Variants in MAGEB1 observed in about 807,000 individuals in gnomAD.
MAGEB1 encodes melanoma-associated antigen B1.
For synonymous variants in MAGEB1, 99 were observed against 105.7 expected (o/e 0.94, Z 0.39); for missense variants, 290 against 286.7 (o/e 1.01, Z -0.08).
rs1188632435 is a variant in MAGEB1 at position 30,251,267 on chromosome X, G to A, written c.774G>A (p.Glu258=). 3 of 1,212,148 alleles carry A rather than the reference G, an allele frequency of 2.5e-6. No homozygotes were observed. Among genetic ancestry groups the A allele is most frequent in the Non-Finnish European group, 3.3e-6 (3 of 895,618 alleles). The part of the protein sequence containing the change: ...DLVQEKYLKY[E]QVPNSDPPRY... ...TGCAGGAAAAATATCTGAAGTACGA[G>A]CAGGTGCCCAACAGTGATCCCCCAC... The change falls in exon 2 of 2, where the codon GAG becomes GAA. Residue 258 remains glutamate, a synonymous_variant. Transcript: ENST00000397548.
chrX:30,246,129 T>C (rs939532724), upstream of MAGEB1, among the ~76,000 whole-genome samples: 1 of 111,750 alleles, frequency 8.9e-6, no homozygotes, highest in Non-Finnish European at 1.9e-5. Flanking sequence ...AATGTAAGGG[T>C]TCATCCAGAC....
chrX:30,250,946 T>C lies in MAGEB1; in HGVS notation c.453T>C (p.Asn151=), dbSNP rs112094723. ...KYKDHFTEIL[N]GASRRLELVF... is the part of the protein sequence containing the mutation. ...AGGATCACTTCACTGAGATCCTCAA[T>C]GGAGCCTCTCGCCGCTTGGAGCTCG... Residue 151 remains asparagine, a synonymous_variant, in exon 2 of 2, where the codon AAT becomes AAC. Transcript: ENST00000397548. 183 of 1,210,054 alleles carry C rather than the reference T, an allele frequency of 1.5e-4. No individual in the cohort carries two copies. In the African/African-American group the frequency reaches 2.4e-3, roughly 16 times the overall value.
chrX:30,250,948 G>C lies in MAGEB1; in HGVS notation c.455G>C (p.Gly152Ala), dbSNP rs767225044. ...YKDHFTEILN[G>A]ASRRLELVFG... ...GATCACTTCACTGAGATCCTCAATG[G>C]AGCCTCTCGCCGCTTGGAGCTCGTC... Residue 152 changes from glycine (G) to alanine (A), a missense_variant, in exon 2 of 2, where the codon GGA becomes GCA. By Grantham distance (60) the Gly-to-Ala change is moderately conservative. Coordinates refer to ENST00000397548, the MANE Select transcript of MAGEB1 (RefSeq NM_177404.3). 1.7e-6 allele frequency: 2 copies of C among 1,211,220 alleles called. No homozygotes were observed. The highest frequency in any genetic ancestry group is 3.5e-5 in the South Asian group (2 of 56,890).
chrX:30,249,664 C>T (rs1925439015), intron 1 of MAGEB1, among the ~76,000 whole-genome samples: 1 of 111,416 alleles, frequency 9.0e-6, no homozygotes. Flanking sequence ...GATACAGCCA[C>T]CCTCATTTCC....
In MAGEB1 at chrX:30,250,996, A is replaced by T; in HGVS notation, c.503A>T (p.Asp168Val). 8.3e-7 allele frequency: 1 copy of T among 1,211,583 alleles called. No individual in the cohort carries two copies. ...ELVFGLDLKE[D>V]NPSGHTYTLV... is the part of the protein sequence containing the mutation. Reference sequence around the variant, plus strand: ...GTCTTTGGCCTTGATTTGAAGGAAGACAACCCTAGTGGCCACACCTACACC... The same window carrying T: ...GTCTTTGGCCTTGATTTGAAGGAAGTCAACCCTAGTGGCCACACCTACACC... Residue 168 changes from aspartate to valine, a missense_variant, in exon 2 of 2, where the codon GAC becomes GTC. By Grantham distance (152) the Asp-to-Val change is radical (BLOSUM62 -3). Transcript: ENST00000397548.
chrX:30,244,669 C>T (rs1243961972), upstream of MAGEB1, among the ~76,000 whole-genome samples: 3 of 111,689 alleles, frequency 2.7e-5, no homozygotes, highest in East Asian at 5.6e-4. Flanking sequence ...CTATATGGGG[C>T]GCACTGAGCA....
chrX:30,251,088 G>C lies in MAGEB1; in HGVS notation c.595G>C (p.Gly199Arg), dbSNP rs150577566. 2 of 1,208,924 alleles carry C rather than the reference G, an allele frequency of 1.7e-6. No homozygotes were observed. The highest frequency in any genetic ancestry group is 2.2e-6 in the Non-Finnish European group (2 of 894,525). ...CAATGATTGGGACTTTCCCAGGAAT[G>C]GGCTTCTGATGCCTCTCCTGGGTGT... ...LSNDWDFPRN[G>R]LLMPLLGVIF... Residue 199 changes from glycine to arginine, a missense_variant, in exon 2 of 2, where the codon GGG becomes CGG. Coordinates refer to ENST00000397548, the MANE Select transcript of MAGEB1 (RefSeq NM_177404.3).
In MAGEB1 at chrX:30,250,931, C is replaced by T; in HGVS notation, c.438C>T (p.Phe146=). The T allele has an allele frequency of 8.3e-7, 1 of 1,210,683 alleles. No homozygotes were observed. ...TTGATGAAAAGTACAAGGATCACTT[C>T]ACTGAGATCCTCAATGGAGCCTCTC... is the stretch of plus-strand genomic sequence containing the variant. The part of the protein sequence containing the change: ...KVVDEKYKDH[F]TEILNGASRR... The change falls in exon 2 of 2, where the codon TTC becomes TTT. Residue 146 remains phenylalanine, a synonymous_variant. Transcript: ENST00000397548.
rs1925545833 is a variant in MAGEB1, at chrX:30,251,863, A to G, written c.*326A>G. 2 of 200,963 alleles carry G rather than the reference A, an allele frequency of 1.0e-5. No homozygotes were observed. Among genetic ancestry groups the G allele is most frequent in the Non-Finnish European group, 9.7e-6 (1 of 103,450 alleles). 16.6% of individuals were successfully genotyped at this position (200,963 alleles called of 1,213,427 possible). A position where few individuals can be genotyped will look rare whatever the true frequency, so the allele number is the denominator to read the frequency against. On this transcript the variant is annotated 3_prime_UTR_variant, in exon 2 of 2. Transcript: ENST00000397548. Reference sequence around the variant, plus strand: ...CTTTAGAATAGAGATTTTCTCAGAAATGTGTGAAAGAACCTCACACAACAT... The same window carrying G: ...CTTTAGAATAGAGATTTTCTCAGAAGTGTGTGAAAGAACCTCACACAACAT...
chrX:30,245,014 G>A (rs1958767861), upstream of MAGEB1, among the ~76,000 whole-genome samples: 1 of 111,684 alleles, frequency 9.0e-6, no homozygotes, highest in African/African-American at 3.3e-5. Context: ...TTCCTTTCAT[G>A]TGTTTTTGCA....
At chrX:30,249,979 C>T (rs775058160) in intron 1 of MAGEB1, among the ~76,000 whole-genome samples, 1 of 111,769 alleles carries the variant, frequency 8.9e-6, no homozygotes, top group African/African-American at 3.3e-5. Context: ...AAGACAGGTT[C>T]CCAGAACTTA....
chrX:30,250,951 C>A lies in MAGEB1; in HGVS notation c.458C>A (p.Ala153Asp). The A allele has an allele frequency of 8.3e-7, 1 of 1,210,691 alleles. No homozygotes were observed. The highest frequency in any genetic ancestry group is 1.1e-6 in the Non-Finnish European group (1 of 894,565). Reference sequence around the variant, plus strand: ...CACTTCACTGAGATCCTCAATGGAGCCTCTCGCCGCTTGGAGCTCGTCTTT... The same window carrying A: ...CACTTCACTGAGATCCTCAATGGAGACTCTCGCCGCTTGGAGCTCGTCTTT... Reference protein sequence around the residue: ...KDHFTEILNGASRRLELVFGL... With the variant: ...KDHFTEILNGDSRRLELVFGL... The change falls in exon 2 of 2, where the codon GCC becomes GAC. Residue 153 changes from alanine to aspartate, a missense_variant. Transcript: ENST00000397548.
rs1015343962 is a variant in MAGEB1 at position 30,247,821 on chromosome X, G to A, written c.-61+565G>A. 6.4e-5 allele frequency among the ~76,000 whole-genome samples: 7 copies of A among 110,050 alleles called. No homozygotes were observed. In the South Asian group the frequency reaches 1.2e-3, roughly 19 times the overall value. On this transcript the variant is annotated intron_variant, in intron 1 of 1. Coordinates refer to ENST00000397548, the MANE Select transcript of MAGEB1 (RefSeq NM_177404.3). ...TAGCCAGGCGTGGTGGTGGGCTGCT[G>A]TAGTCCCAGCTACTCAGGAGGCTGA...
At chrX:30,244,085 C>A (rs1487985036), upstream of MAGEB1, 1 of 122,416 alleles carries the variant, frequency 8.2e-6, no homozygotes, top group African/African-American at 3.3e-5. Context: ...AAGTCTTTTT[C>A]TGTGATCTAG....
chrX:30,250,546 C>T lies in MAGEB1; in HGVS notation c.53C>T (p.Ala18Val), dbSNP rs145867809. Residue 18 changes from alanine (A) to valine (V), a missense_variant, in exon 2 of 2, where the codon GCG (alanine) becomes GTG (valine). Physicochemically the swap from Ala to Val is moderately conservative, Grantham distance 64. Coordinates refer to ENST00000397548, the MANE Select transcript of MAGEB1 (RefSeq NM_177404.3). Reference protein sequence around the residue: ...KLRAREKRRKAREETQGLKVA... With the variant: ...KLRAREKRRKVREETQGLKVA... ...CGTGCTCGTGAGAAACGCCGCAAGG[C>T]GCGAGAGGAGACCCAGGGTCTCAAG... The T allele has an allele frequency of 2.3e-5, 28 of 1,206,781 alleles. No individual in the cohort carries two copies. The highest frequency in any genetic ancestry group is 1.0e-4 in the African/African-American group (6 of 57,357).
In MAGEB1 at chrX:30,250,812, C is replaced by T. The variant is rs1252181720; in HGVS notation, c.319C>T (p.Pro107Ser). 2.5e-6 allele frequency: 3 copies of T among 1,211,546 alleles called. No homozygotes were observed. The highest frequency in any genetic ancestry group is 5.9e-5 in the East Asian group (2 of 33,841). The change falls in exon 2 of 2, where the codon CCT becomes TCT. Residue 107 changes from proline to serine, a missense_variant. Pro to Ser is a moderately conservative substitution (Grantham distance 74). Coordinates refer to ENST00000397548, the MANE Select transcript of MAGEB1 (RefSeq NM_177404.3). ...TTSTESSVKD[P>S]VAWEAGMLMH... The stretch of plus-strand genomic sequence containing the variant: ...ATCCACTGAGAGCTCAGTCAAAGAT[C>T]CTGTAGCCTGGGAGGCAGGAATGCT...
intron 1 of MAGEB1, 65 bp from the exon 2 acceptor site, chrX:30,250,369 T>C (rs1420825871): frequency 1.7e-6 from 1 of 592,402 alleles, no homozygotes; most frequent in African/African-American, 2.3e-5. Context: ...GAAGTGGCTC[T>C]CTAAAAGCCA....
chrX:30,250,846 T>A lies in MAGEB1; in HGVS notation c.353T>A (p.Phe118Tyr), dbSNP rs1211604275. The A allele has an allele frequency of 8.3e-7, 1 of 1,210,032 alleles. No homozygotes were observed. Among genetic ancestry groups the A allele is most frequent in the Non-Finnish European group, 1.1e-6 (1 of 894,544 alleles). Reference sequence around the variant, plus strand: ...TGGGAGGCAGGAATGCTGATGCACTTCATTCTACGTAAGTATAAAATGAGA... The same window carrying A: ...TGGGAGGCAGGAATGCTGATGCACTACATTCTACGTAAGTATAAAATGAGA... ...VAWEAGMLMH[F>Y]ILRKYKMREP... is the part of the protein sequence containing the mutation. The change falls in exon 2 of 2, where the codon TTC becomes TAC. Residue 118 changes from phenylalanine to tyrosine, a missense_variant. By Grantham distance (22) the Phe-to-Tyr change is conservative (BLOSUM62 3). Coordinates refer to ENST00000397548, the MANE Select transcript of MAGEB1 (RefSeq NM_177404.3).
rs141618313 is a variant in MAGEB1, at chrX:30,250,860, T to A, written c.367T>A (p.Tyr123Asn). 413 of 1,210,411 alleles carry A rather than the reference T, an allele frequency of 3.4e-4. 1 individual carries two copies. In the South Asian group the frequency reaches 6.5e-3, roughly 19 times the overall value. ...GCTGATGCACTTCATTCTACGTAAGTATAAAATGAGAGAGCCCATTATGAA... is the reference window on the plus strand; with the variant it reads ...GCTGATGCACTTCATTCTACGTAAGAATAAAATGAGAGAGCCCATTATGAA... ...GMLMHFILRK[Y>N]KMREPIMKAD... Residue 123 changes from tyrosine to asparagine, a missense_variant, in exon 2 of 2, where the codon TAT becomes AAT. Coordinates refer to ENST00000397548, the MANE Select transcript of MAGEB1 (RefSeq NM_177404.3).
Sources: allele counts gnomAD v4.1 joint callset (sites outside exome capture counted in the v4.1 genomes callset), GRCh38; gene constraint gnomAD v4.1.1; transcripts MANE v1.5; gene names NCBI Gene and HGNC (gene_info 2026-07-23, HGNC 2026-07-21).